The following PATJ variants were observed in gnomAD, a reference collection of about 807,000 sequenced individuals.
PATJ encodes PATJ crumbs cell polarity complex component.
In PATJ, 190 loss-of-function variants were observed where a neutral mutation model predicts 224.9. The observed-to-expected ratio is 0.84, with a 90% CI of 0.75 to 0.95. The LOEUF (loss-of-function observed/expected upper bound fraction) is 0.95. Among genes scored for constraint, PATJ ranks in the 40% least tolerant of loss-of-function variants. PATJ has a pLI of 0.00. For synonymous variants in PATJ, 769 were observed against 820.3 expected (o/e 0.94, Z 1.07); for missense variants, 2,121 against 2,270.3 (o/e 0.93, Z 1.34).
chr1:61,846,633 G>C (rs1662003118), intron 17 of PATJ, among the ~76,000 whole-genome samples: 1 of 152,126 alleles, frequency 6.6e-6, no homozygotes, highest in South Asian at 2.1e-4. Context: ...TTCTCATTCT[G>C]TTGCCCAGGC....
At chr1:62,030,088 G>A (rs1247056705) in intron 29 of PATJ, among the ~76,000 whole-genome samples, 1 of 152,082 alleles carries the variant, frequency 6.6e-6, no homozygotes, top group Non-Finnish European at 1.5e-5. Flanking sequence ...AACATGAAAA[G>A]GACATGAATT....
At chr1:61,871,457 GTATA>G (rs369494133) in intron 20 of PATJ, among the ~76,000 whole-genome samples, 1 of 12,488 alleles carries the variant, frequency 8.0e-5, no homozygotes, top group South Asian at 1.3e-3. Context: ...ATATATATGC[GTATA>G]TATATGTATA....
intron 12 of PATJ, among the ~76,000 whole-genome samples, chr1:61,802,897 T>G (rs142949807): frequency 6.6e-6 from 1 of 152,192 alleles, no homozygotes; most frequent in Non-Finnish European, 1.5e-5. Context: ...ATGAAACTCC[T>G]TGAGTACTTA....
chr1:62,084,614 G>T lies in PATJ; in HGVS notation c.4343G>T (p.Gly1448Val). 6.2e-7 allele frequency: 1 copy of T among 1,613,322 alleles called. No individual in the cohort carries two copies. The highest frequency in any genetic ancestry group is 8.5e-7 in the Non-Finnish European group (1 of 1,179,730). The stretch of plus-strand genomic sequence containing the variant: ...ATATCCAAGGGACGTTCAGGGCTTG[G>T]TCTCAGCATTGTGGGAGGAAAAGAC... Reference protein sequence around the residue: ...IEISKGRSGLGLSIVGGKDTP... With the variant: ...IEISKGRSGLVLSIVGGKDTP... The change falls in exon 33 of 44, where the codon GGT (glycine) becomes GTT (valine). Residue 1448 changes from glycine to valine, a missense_variant. Coordinates refer to ENST00000642238, the MANE Select transcript of PATJ (RefSeq NM_001350145.3).
chr1:62,046,196 T>A (rs545184776), intron 30 of PATJ, among the ~76,000 whole-genome samples: 1 of 109,634 alleles, frequency 9.1e-6, no homozygotes, highest in South Asian at 2.9e-4. Flanking sequence ...AGTGAGATGG[T>A]GAAGAAAAAA....
chr1:61,992,252 G>A (rs1033388867), intron 28 of PATJ, among the ~76,000 whole-genome samples: 4 of 151,916 alleles, frequency 2.6e-5, no homozygotes, highest in Admixed American at 2.0e-4. Context: ...CGAGTAGCCA[G>A]GATTACAGGC....
chr1:62,100,082 T>TG (rs1661958661), intron 33 of PATJ, among the ~76,000 whole-genome samples: 1 of 151,790 alleles, frequency 6.6e-6, no homozygotes, highest in Non-Finnish European at 1.5e-5. Context: ...GGGATTTTTG[T>TG]GGGGCTCAGT....
chr1:61,802,954 T>C (rs934946742), intron 12 of PATJ, among the ~76,000 whole-genome samples: 12 of 152,306 alleles, frequency 7.9e-5, no homozygotes, highest in African/African-American at 2.9e-4. Flanking sequence ...CTTTGTCTTG[T>C]CTCAGGTCAG....
chr1:61,771,651 C>G (rs1646616223), intron 6 of PATJ, 25 bp downstream of exon 6: 2 of 1,500,528 alleles, frequency 1.3e-6, no homozygotes, highest in South Asian at 2.6e-5. Flanking sequence ...TGAAAAAATA[C>G]TTAATTTTGA....
intron 14 of PATJ, among the ~76,000 whole-genome samples, chr1:61,818,995 G>A (rs1656727687): frequency 6.6e-6 from 1 of 152,124 alleles, no homozygotes; most frequent in African/African-American, 2.4e-5. Context: ...GTTTTAATTT[G>A]GACCCTTATT....
At chr1:62,144,245 A>G (rs1054552644) in intron 41 of PATJ, among the ~76,000 whole-genome samples, 1 of 152,176 alleles carries the variant, frequency 6.6e-6, no homozygotes, top group African/African-American at 2.4e-5. Flanking sequence ...GCTTCACCCA[A>G]AATGTGTTCT....
chr1:61,840,932 A>G (rs1475831521), intron 17 of PATJ, among the ~76,000 whole-genome samples: 2 of 152,128 alleles, frequency 1.3e-5, no homozygotes, highest in Admixed American at 6.5e-5. Context: ...CTTTATTCCG[A>G]TAATTCTCAT....
chr1:61,863,031 T>G (rs1209318747), intron 19 of PATJ, among the ~76,000 whole-genome samples: 1 of 130,012 alleles, frequency 7.7e-6, no homozygotes, highest in Non-Finnish European at 1.7e-5. Context: ...TTTTCAGTTT[T>G]TTTTTTTTTT....
At chr1:61,942,549 GTTTC>G (rs1225649235) in intron 27 of PATJ, among the ~76,000 whole-genome samples, 1 of 150,572 alleles carries the variant, frequency 6.6e-6, no homozygotes. Context: ...CAGTTTGGCA[GTTTC>G]TTTTTTTTTT....
chr1:61,780,241 A>G (rs543708710), intron 7 of PATJ, among the ~76,000 whole-genome samples: 13 of 152,198 alleles, frequency 8.5e-5, no homozygotes, highest in Middle Eastern at 6.8e-3. Flanking sequence ...AGCTGGGTGG[A>G]TCACTTGAGG....
intron 28 of PATJ, among the ~76,000 whole-genome samples, chr1:62,009,987 G>T (rs1047322143): frequency 6.6e-6 from 1 of 150,538 alleles, no homozygotes; most frequent in Admixed American, 6.7e-5. Flanking sequence ...GGAAGCTGAG[G>T]CAGGAGAATC....
intron 27 of PATJ, chr1:61,952,241 G>A (rs1409969414): frequency 5.6e-6 from 2 of 354,828 alleles, no homozygotes; most frequent in Non-Finnish European, 9.8e-6. Flanking sequence ...TGCCCTTAAA[G>A]AGAACAAAAT....
At chr1:62,112,034 C>T in intron 34 of PATJ, among the ~76,000 whole-genome samples, 1 of 152,076 alleles carries the variant, frequency 6.6e-6, no homozygotes, top group East Asian at 1.9e-4. Flanking sequence ...CCAAGATATA[C>T]CAGAAAATAA....
intron 31 of PATJ, among the ~76,000 whole-genome samples, chr1:62,063,976 T>C (rs1362798010): frequency 6.6e-6 from 1 of 152,204 alleles, no homozygotes; most frequent in Non-Finnish European, 1.5e-5. Flanking sequence ...TATTCTCCTA[T>C]TCGAATGCCT....
Sources: allele counts gnomAD v4.1 joint callset (sites outside exome capture counted in the v4.1 genomes callset), GRCh38; gene constraint gnomAD v4.1.1; transcripts MANE v1.5; gene names NCBI Gene and HGNC (gene_info 2026-07-23, HGNC 2026-07-21).